Variants in DEF8 observed in about 807,000 individuals in gnomAD.
DEF8 encodes the protein differentially expressed in FDCP 8 homolog.
In DEF8, 38 loss-of-function variants were observed where a neutral mutation model predicts 59.1. The ratio of observed to expected loss-of-function variants is 0.64; its 90% confidence interval spans 0.50 to 0.84. The LOEUF (loss-of-function observed/expected upper bound fraction) is 0.84, where lower values mean the gene tolerates loss of function less well. Among genes scored for constraint, DEF8 ranks in the 40% least tolerant of loss-of-function variants. The pLI is 0.00. For missense variants in DEF8, 557 were observed against 615.2 expected, an observed-to-expected ratio of 0.91 and a Z score of 1.00; for synonymous variants, 265 against 250.1, an observed-to-expected ratio of 1.06 and a Z score of -0.56.
In DEF8 at chr16:89,959,173, C is replaced by T. The variant is rs373389069; in HGVS notation, c.514+18C>T. The T allele has an allele frequency of 6.8e-5, 110 of 1,613,856 alleles. No homozygotes were observed. The highest frequency in any genetic ancestry group is 1.2e-4 in the African/African-American group (9 of 75,064). On this transcript the variant is annotated intron_variant, in intron 6 of 12. Transcript: ENST00000563594. ...CTGCACAGGTGGGCCGAGACCCAGA[C>T]GAGGAGTGAGGAATGAGAGAGACCA...
Position 89,960,922 on chromosome 16 carries a change from C to T in DEF8, c.515-9C>T. 1 of 1,610,916 alleles carries T rather than the reference C, an allele frequency of 6.2e-7. No homozygotes were observed. The highest frequency in any genetic ancestry group is 8.5e-7 in the Non-Finnish European group (1 of 1,178,264). The stretch of plus-strand genomic sequence containing the variant: ...CCGCTTTTGAGAAGTGTGTGTCCCT[C>T]CACCCTAGGGTGTTATTACCGCTGT... On this transcript the variant is annotated splice_polypyrimidine_tract_variant and intron_variant, in intron 6 of 12. Coordinates refer to ENST00000563594, the MANE Select transcript of DEF8 (RefSeq NM_001242818.2).
In DEF8 at chr16:89,949,434, G is replaced by C. The variant is rs768294915; in HGVS notation, c.-90G>C. ...CCCTGCAGCAGGTGCCGAACCCACG[G>C]CCAGGCTTCCGTGGCCAGCAGCCCT... is the stretch of plus-strand genomic sequence containing the variant. On this transcript the variant is annotated 5_prime_UTR_variant, in exon 2 of 13. Coordinates refer to ENST00000563594, the MANE Select transcript of DEF8 (RefSeq NM_001242818.2). 6.2e-7 allele frequency: 1 copy of C among 1,607,576 alleles called. No homozygotes were observed. The highest frequency in any genetic ancestry group is 8.5e-7 in the Non-Finnish European group (1 of 1,178,558).
intron 5 of DEF8, 127 bp downstream of exon 5, chr16:89,957,787 GGT>G: frequency 8.4e-7 from 1 of 1,191,646 alleles, no homozygotes; most frequent in Non-Finnish European, 1.2e-6. Flanking sequence ...CAGGGGCTGA[GGT>G]AGAAGGGCAC....
At chr16:89,963,954 T>C in intron 10 of DEF8, 1 of 644,276 alleles carries the variant, frequency 1.6e-6, no homozygotes, top group Non-Finnish European at 2.8e-6. Flanking sequence ...CCTTAGGGAG[T>C]GGAGGGCGGG....
chr16:89,949,942 T>G, intron 2 of DEF8: 1 of 850,498 alleles, frequency 1.2e-6, no homozygotes, highest in Non-Finnish European at 1.5e-6. Context: ...CCCAGGTCTG[T>G]GTGAGCAGAA....
rs553598057 is a variant in DEF8, at chr16:89,951,973, G to A, written c.-10-2270G>A. On this transcript the variant is annotated intron_variant, in intron 2 of 12. Transcript: ENST00000563594. Reference sequence around the variant, plus strand: ...GCTCACTGCAAGCTCCGCTTCCTGGGTTCACGCTATTCTGCTGCCTCAGCC... The same window carrying A: ...GCTCACTGCAAGCTCCGCTTCCTGGATTCACGCTATTCTGCTGCCTCAGCC... Among the ~76,000 whole-genome samples, 71 of 152,180 alleles carry A rather than the reference G, an allele frequency of 4.7e-4. 1 individual carries two copies. The Middle Eastern group carries it at 0.01, about 22-fold the overall frequency.
chr16:89,950,415 G>A (rs2031801864), intron 2 of DEF8: 2 of 861,304 alleles, frequency 2.3e-6, no homozygotes, highest in South Asian at 5.3e-5. Context: ...TTGAGATGGA[G>A]TTTTGCTGTG....
Position 89,967,769 on chromosome 16 carries a change from T to A in DEF8, c.*1806T>A. On this transcript the variant is annotated 3_prime_UTR_variant, in exon 13 of 13. Transcript: ENST00000563594. ...ACATTATTCAAGTTACAAATCACTG[T>A]GTCCATAGAAAAACTGTGCTGGTAT... The A allele has an allele frequency of 3.5e-6, 1 of 281,812 alleles. No homozygotes were observed. 17.5% of individuals were successfully genotyped at this position (281,812 alleles called of 1,614,324 possible). A position where few individuals can be genotyped will look rare whatever the true frequency, so the allele number is the denominator to read the frequency against.
intron 2 of DEF8, 127 bp downstream of exon 2, chr16:89,949,640 T>G: frequency 6.2e-7 from 1 of 1,609,012 alleles, no homozygotes; most frequent in Non-Finnish European, 8.5e-7. Context: ...GGAGGCCAGG[T>G]CCGTGCATCC....
rs1220285951 is a variant in DEF8 at position 89,964,540 on chromosome 16, G to A, written c.1218G>A (p.Thr406=). 10 of 1,589,874 alleles carry A rather than the reference G, an allele frequency of 6.3e-6. No individual in the cohort carries two copies. The African/African-American group carries it at 6.7e-5, about 11-fold the overall frequency. ...GDVLFPFDSH[T]SVCADCSAVF... is the part of the protein sequence containing the mutation. ...TGCTGTTCCCGTTCGACAGCCACAC[G>A]TCTGTGTGCGCCGACTGCTCCGCGG... The change falls in exon 12 of 13, where the codon ACG becomes ACA. Residue 406 remains threonine, a synonymous_variant. Coordinates refer to ENST00000563594, the MANE Select transcript of DEF8 (RefSeq NM_001242818.2).
At chr16:89,953,545 T>A (rs2032581665) in intron 2 of DEF8, among the ~76,000 whole-genome samples, 1 of 152,216 alleles carries the variant, frequency 6.6e-6, no homozygotes, top group African/African-American at 2.4e-5. Flanking sequence ...CAGGTCGTGT[T>A]GCTCATCACA....
At chr16:89,962,840 C>T (rs947610813) in intron 9 of DEF8, among the ~76,000 whole-genome samples, 8 of 152,238 alleles carry the variant, frequency 5.3e-5, no homozygotes, top group East Asian at 1.9e-4. Flanking sequence ...CACTGCACAG[C>T]GGCCACTTTG....
Position 89,966,525 on chromosome 16 carries a change from G to A in DEF8, c.*562G>A, listed in dbSNP as rs568172946. 6.5e-6 allele frequency: 1 copy of A among 154,332 alleles called. No individual in the cohort carries two copies. Among genetic ancestry groups the A allele is most frequent in the Admixed American group, 6.5e-5 (1 of 15,468 alleles). 9.6% of individuals were successfully genotyped at this position (154,332 alleles called of 1,614,324 possible). A position where few individuals can be genotyped will look rare whatever the true frequency, so the allele number is the denominator to read the frequency against. On this transcript the variant is annotated 3_prime_UTR_variant, in exon 13 of 13. Transcript: ENST00000563594. ...TGGGGATTTCTGGTTGTCCCCAGCT[G>A]GGACTGTTCACAGTTGTCACCTGCA... is the stretch of plus-strand genomic sequence containing the variant.
intron 2 of DEF8, among the ~76,000 whole-genome samples, chr16:89,951,876 A>T (rs1280761135): frequency 6.7e-6 from 1 of 149,804 alleles, no homozygotes; most frequent in Non-Finnish European, 1.5e-5. Flanking sequence ...ATTTATGTAA[A>T]AAAGATTTTT....
intron 2 of DEF8, chr16:89,952,827 C>G (rs1479257072): frequency 6.6e-6 from 1 of 152,278 alleles, no homozygotes. Flanking sequence ...ACACTCCTGC[C>G]CCACAGGCAC....
chr16:89,956,300 CA>C (rs951085394), intron 4 of DEF8, among the ~76,000 whole-genome samples: 26 of 149,980 alleles, frequency 1.7e-4, no homozygotes, highest in Admixed American at 3.3e-4. Flanking sequence ...ACTAAAAATA[CA>C]AAAAAAAATT....
rs563555348 is a variant in DEF8 at position 89,966,949 on chromosome 16, T to G, written c.*986T>G. Reference sequence around the variant, plus strand: ...GGCCTGAGGTCAAGAGAGCTGAGAGTATTCGCTCGACTGAGCACATTCAGG... The same window carrying G: ...GGCCTGAGGTCAAGAGAGCTGAGAGGATTCGCTCGACTGAGCACATTCAGG... On this transcript the variant is annotated 3_prime_UTR_variant, in exon 13 of 13. Coordinates refer to ENST00000563594, the MANE Select transcript of DEF8 (RefSeq NM_001242818.2). 1.8e-5 allele frequency: 4 copies of G among 224,694 alleles called. No individual in the cohort carries two copies. In the East Asian group the frequency reaches 3.5e-4, roughly 20 times the overall value. The allele number at this position is 224,694 out of a possible 1,614,324, so 13.9% of individuals were successfully genotyped here. A position where few individuals can be genotyped will look rare whatever the true frequency, so the allele number is the denominator to read the frequency against.
Position 89,966,051 on chromosome 16 carries a change from T to G in DEF8, c.*88T>G, listed in dbSNP as rs2034583940. On this transcript the variant is annotated 3_prime_UTR_variant, in exon 13 of 13. Transcript: ENST00000563594. Reference sequence around the variant, plus strand: ...TTGTTCCTTCTGCTCCGGAGACCCCTGGGGTGCGGCCCTGGCCCCCTCCAC... The same window carrying G: ...TTGTTCCTTCTGCTCCGGAGACCCCGGGGGTGCGGCCCTGGCCCCCTCCAC... 3 of 1,064,296 alleles carry G rather than the reference T, an allele frequency of 2.8e-6. No homozygotes were observed. The highest frequency in any genetic ancestry group is 2.9e-5 in the South Asian group (2 of 69,882). 65.9% of individuals were successfully genotyped at this position (1,064,296 alleles called of 1,614,324 possible).
In DEF8 at chr16:89,949,513, G is replaced by C. The variant is rs573763702; in HGVS notation, c.-11G>C. The C allele has an allele frequency of 1.2e-6, 2 of 1,613,316 alleles. No homozygotes were observed. The highest frequency in any genetic ancestry group is 1.3e-5 in the African/African-American group (1 of 75,052). On this transcript the variant is annotated splice_region_variant and 5_prime_UTR_variant, in exon 2 of 13. Transcript: ENST00000563594. ...CCCCTGGGCCCTGGCAGGCGATGCA[G>C]GTATGGGCAGACAGGACGCTGTTGA...
Sources: gnomAD v4.1 joint callset for allele counts (sites outside exome capture counted in the v4.1 genomes callset) on GRCh38, gnomAD v4.1.1 for gene constraint, MANE v1.5 for transcripts, NCBI Gene and HGNC (gene_info 2026-07-23, HGNC 2026-07-21) for gene names.